Variants in NRG1 observed in about 807,000 individuals in gnomAD.
NRG1 encodes the protein pro-neuregulin-1, membrane-bound isoform.
NRG1 carries 18 observed loss-of-function variants against 63.8 expected under a neutral mutation model. The observed-to-expected ratio is 0.28, with a 90% CI of 0.19 to 0.42. The LOEUF (loss-of-function observed/expected upper bound fraction) is 0.42, where lower values mean the gene tolerates loss of function less well. Ranked by LOEUF, NRG1 falls within the 10% of genes least tolerant of loss-of-function variation. The pLI, the probability that NRG1 is intolerant of heterozygous loss-of-function variation, is 1.00. For missense variants in NRG1, 762 were observed against 814.7 expected, an observed-to-expected ratio of 0.94 and a Z score of 0.79; for synonymous variants, 302 against 301.3, an observed-to-expected ratio of 1.00 and a Z score of -0.02.
At chr8:32,170,033 T>A (rs1839857751) in intron 1 of NRG1, among the ~76,000 whole-genome samples, 1 of 152,182 alleles carries the variant, frequency 6.6e-6, no homozygotes, top group Non-Finnish European at 1.5e-5. Context: ...GTGGTCAGAA[T>A]TATGTATCTA....
chr8:32,400,929 G>A (rs986469257), intron 1 of NRG1, among the ~76,000 whole-genome samples: 4 of 152,120 alleles, frequency 2.6e-5, no homozygotes, highest in Non-Finnish European at 5.9e-5. Context: ...AAGAAAATGT[G>A]GTACATATAC....
At chr8:32,569,442 T>C (rs1191778277) in intron 1 of NRG1, among the ~76,000 whole-genome samples, 2 of 152,208 alleles carry the variant, frequency 1.3e-5, no homozygotes, top group Non-Finnish European at 2.9e-5. Context: ...ATACTGTAGT[T>C]CAGTTTATCT....
intron 1 of NRG1, among the ~76,000 whole-genome samples, chr8:32,192,657 A>G (rs1842604710): frequency 6.6e-6 from 1 of 152,172 alleles, no homozygotes; most frequent in Non-Finnish European, 1.5e-5. Context: ...GGGTAATGGG[A>G]TTATTTGTAT....
chr8:32,144,284 C>T (rs1836625681), intron 1 of NRG1, among the ~76,000 whole-genome samples: 1 of 152,094 alleles, frequency 6.6e-6, no homozygotes, highest in South Asian at 2.1e-4. Flanking sequence ...AATGGTTGAG[C>T]CCAGACGATC....
At chr8:32,227,003 G>C (rs962059265) in intron 1 of NRG1, among the ~76,000 whole-genome samples, 2 of 152,154 alleles carry the variant, frequency 1.3e-5, no homozygotes, top group Non-Finnish European at 2.9e-5. Flanking sequence ...GTTTGAGAAA[G>C]TAGTATTTTG....
chr8:32,503,288 G>GAAAAAAAA (rs60857610), intron 1 of NRG1, among the ~76,000 whole-genome samples: 12 of 54,858 alleles, frequency 2.2e-4, no homozygotes, highest in Admixed American at 3.4e-4. Flanking sequence ...CTCTGTCTCA[G>GAAAAAAAA]AAAAAAAAAA....
intron 1 of NRG1, among the ~76,000 whole-genome samples, chr8:32,576,176 A>G (rs1839599345): frequency 6.6e-6 from 1 of 152,184 alleles, no homozygotes; most frequent in Admixed American, 6.5e-5. Context: ...CAAATAATGT[A>G]ATTATTTTAA....
At chr8:32,641,606 C>A (rs1460702034) in intron 5 of NRG1, among the ~76,000 whole-genome samples, 1 of 152,190 alleles carries the variant, frequency 6.6e-6, no homozygotes, top group African/African-American at 2.4e-5. Flanking sequence ...AGATCATTTA[C>A]TGTATCTTCA....
At chr8:32,218,765 G>A (rs1319746971) in intron 1 of NRG1, among the ~76,000 whole-genome samples, 1 of 152,182 alleles carries the variant, frequency 6.6e-6, no homozygotes, top group Non-Finnish European at 1.5e-5. Context: ...TCGAAAGCCT[G>A]CCTTTGACAA....
chr8:32,760,637 T>TG, intron 11 of NRG1: 1 of 1,332,656 alleles, frequency 7.5e-7, no homozygotes, highest in Non-Finnish European at 9.7e-7. Flanking sequence ...CTTAAAGAGC[T>TG]GGGATGCTTT....
intron 1 of NRG1, among the ~76,000 whole-genome samples, chr8:32,566,297 CA>C (rs1228037998): frequency 7.0e-6 from 1 of 142,336 alleles, no homozygotes; most frequent in Non-Finnish European, 1.5e-5. Flanking sequence ...GGGGAGGTTG[CA>C]GTGAGCCGAG....
At chr8:32,451,844 T>C (rs74983005) in intron 1 of NRG1, among the ~76,000 whole-genome samples, 5 of 152,190 alleles carry the variant, frequency 3.3e-5, no homozygotes, top group Non-Finnish European at 5.9e-5. Flanking sequence ...TTCTTTTTTT[T>C]AGACAAGGTC....
At chr8:31,898,788 T>A (rs1349128828) in intron 1 of NRG1, among the ~76,000 whole-genome samples, 2 of 152,216 alleles carry the variant, frequency 1.3e-5, no homozygotes, top group African/African-American at 2.4e-5. Context: ...AGTGGCTGCC[T>A]ATCTTCAGAT....
chr8:31,866,763 G>A (rs949336780), intron 1 of NRG1, among the ~76,000 whole-genome samples: 1 of 152,112 alleles, frequency 6.6e-6, no homozygotes, highest in Non-Finnish European at 1.5e-5. Context: ...AATTCCCTCT[G>A]CATGCATAGG....
intron 1 of NRG1, among the ~76,000 whole-genome samples, chr8:32,018,107 A>G (rs560693144): frequency 6.6e-6 from 1 of 152,322 alleles, no homozygotes; most frequent in African/African-American, 2.4e-5. Flanking sequence ...AAATGATGTC[A>G]AAGACCAGAT....
intron 1 of NRG1, among the ~76,000 whole-genome samples, chr8:32,484,902 C>T (rs995527132): frequency 5.3e-5 from 8 of 152,162 alleles, no homozygotes; most frequent in African/African-American, 1.7e-4. Context: ...ATCATCTATC[C>T]TTCCACTTAA....
chr8:31,909,665 G>T (rs889937235), intron 1 of NRG1, among the ~76,000 whole-genome samples: 1 of 152,198 alleles, frequency 6.6e-6, no homozygotes, highest in African/African-American at 2.4e-5. Context: ...GTGGGAGGGT[G>T]TGGCTGTTTC....
At chr8:31,715,464 A>G (rs1184847507) in intron 1 of NRG1, among the ~76,000 whole-genome samples, 1 of 152,208 alleles carries the variant, frequency 6.6e-6, no homozygotes, top group African/African-American at 2.4e-5. Flanking sequence ...GCTTCCTAAC[A>G]GAGGTATGAA....
downstream of NRG1, among the ~76,000 whole-genome samples, chr8:32,771,647 G>A (rs1261907342): frequency 3.5e-5 from 5 of 144,426 alleles, no homozygotes; most frequent in African/African-American, 1.0e-4. Flanking sequence ...ATCTTAGATC[G>A]ACAGTATATC....
Sources: gnomAD v4.1 joint callset for allele counts (sites outside exome capture counted in the v4.1 genomes callset) on GRCh38, gnomAD v4.1.1 for gene constraint, MANE v1.5 for transcripts, NCBI Gene and HGNC (gene_info 2026-07-23, HGNC 2026-07-21) for gene names.